The following PREX2 variants were observed in gnomAD, a reference collection of about 807,000 sequenced individuals.
The protein encoded by PREX2 is phosphatidylinositol 3,4,5-trisphosphate-dependent Rac exchanger 2 protein.
Under a neutral mutation model 203.2 loss-of-function variants are expected in PREX2, and 107 were observed. That is an observed-to-expected ratio of 0.53 (90% CI 0.45 to 0.62). The LOEUF (loss-of-function observed/expected upper bound fraction) is 0.62. Among genes scored for constraint, PREX2 ranks in the 20% least tolerant of loss-of-function variants. The pLI is 0.00. For synonymous variants in PREX2, 672 were observed against 663.6 expected (o/e 1.01, Z -0.19); for missense variants, 1,777 against 1,955.9 (o/e 0.91, Z 1.72).
At chr8:67,958,736 A>G (rs547887383) in intron 1 of PREX2, among the ~76,000 whole-genome samples, 20 of 152,316 alleles carry the variant, frequency 1.3e-4, no homozygotes, top group African/African-American at 4.8e-4. Context: ...AAGCTTTAAT[A>G]TTTTGTATAC....
At chr8:68,211,510 G>A (rs1401716938) in intron 37 of PREX2, among the ~76,000 whole-genome samples, 3 of 152,118 alleles carry the variant, frequency 2.0e-5, no homozygotes, top group Admixed American at 6.5e-5. Context: ...GACTTACCAT[G>A]GCCAGGTATC....
At chr8:68,151,775 C>G (rs894584865) in intron 34 of PREX2, among the ~76,000 whole-genome samples, 1 of 148,656 alleles carries the variant, frequency 6.7e-6, no homozygotes, top group Non-Finnish European at 1.5e-5. Flanking sequence ...TTTTTTTTAA[C>G]CTCCTATGAA....
chr8:68,090,483 T>C (rs1809836117), intron 19 of PREX2, 96 bp from the exon 20 acceptor site: 1 of 1,078,998 alleles, frequency 9.3e-7, no homozygotes, highest in Middle Eastern at 2.7e-4. Flanking sequence ...TAGACTTTGA[T>C]CATATTTTAA....
chr8:68,145,688 G>T (rs1055886467), intron 33 of PREX2, among the ~76,000 whole-genome samples: 29 of 152,138 alleles, frequency 1.9e-4, no homozygotes, highest in African/African-American at 6.7e-4. Context: ...TTTGAAAATA[G>T]CTACAAGACT....
chr8:68,038,331 A>G, intron 7 of PREX2, 39 bp downstream of exon 7: 2 of 1,604,098 alleles, frequency 1.2e-6, no homozygotes, highest in Non-Finnish European at 1.7e-6. Context: ...AAGTGGTCAC[A>G]GTTTCTACCT....
chr8:67,968,062 T>C (rs1168184462), intron 1 of PREX2, among the ~76,000 whole-genome samples: 3 of 109,628 alleles, frequency 2.7e-5, no homozygotes, highest in Non-Finnish European at 5.4e-5. Context: ...ACCCTAGAAC[T>C]TAAAGTATAA....
In PREX2 at chr8:68,105,149, A is replaced by G. The variant is rs200772934; in HGVS notation, c.2716-2960A>G. 9.3e-5 allele frequency: 127 copies of G among 1,367,684 alleles called. No homozygotes were observed. The Middle Eastern group carries it at 2.7e-3, about 29-fold the overall frequency. The allele number at this position is 1,367,684 out of a possible 1,614,324, so 84.7% of individuals were successfully genotyped here. A position where few individuals can be genotyped will look rare whatever the true frequency, so the allele number is the denominator to read the frequency against. On this transcript the variant is annotated intron_variant, in intron 23 of 39. Coordinates refer to ENST00000288368, the MANE Select transcript of PREX2 (RefSeq NM_024870.4). Reference sequence around the variant, plus strand: ...CTTCCATATTTTAGGTTCAAGCTTCAGAAAGGTTTTACAATTTCACAGCAC... The same window carrying G: ...CTTCCATATTTTAGGTTCAAGCTTCGGAAAGGTTTTACAATTTCACAGCAC...
chr8:68,116,024 TTTTTC>T (rs1225454057), intron 26 of PREX2, 92 bp downstream of exon 26: 1 of 1,155,154 alleles, frequency 8.7e-7, no homozygotes, highest in Non-Finnish European at 1.2e-6. Flanking sequence ...TTTTTGATTG[TTTTTC>T]TTTTAATTGG....
At chr8:68,186,525 G>GT (rs1412510849) in intron 35 of PREX2, among the ~76,000 whole-genome samples, 6 of 151,960 alleles carry the variant, frequency 3.9e-5, no homozygotes, top group Non-Finnish European at 7.4e-5. Flanking sequence ...GTTTTGTTTT[G>GT]TTTTTTTAGA....
intron 1 of PREX2, among the ~76,000 whole-genome samples, chr8:67,999,491 A>AAAAAAG (rs1563492709): frequency 6.6e-6 from 1 of 150,662 alleles, no homozygotes; most frequent in Non-Finnish European, 1.5e-5. Flanking sequence ...AAAAAAAAAA[A>AAAAAAG]AAAAGCCCAG....
intron 1 of PREX2, among the ~76,000 whole-genome samples, chr8:68,013,170 A>G (rs567265914): frequency 5.9e-5 from 9 of 152,228 alleles, no homozygotes; most frequent in Non-Finnish European, 1.2e-4. Flanking sequence ...TAGGCTCTGC[A>G]TTCATGAAGC....
At chr8:68,018,371 G>C (rs1242795152) in intron 2 of PREX2, among the ~76,000 whole-genome samples, 1 of 152,128 alleles carries the variant, frequency 6.6e-6, no homozygotes, top group East Asian at 1.9e-4. Context: ...CGAGGCTGAG[G>C]CAGGAGAATT....
intron 11 of PREX2, among the ~76,000 whole-genome samples, chr8:68,068,019 C>T (rs1448121416): frequency 6.6e-6 from 1 of 151,920 alleles, no homozygotes; most frequent in Non-Finnish European, 1.5e-5. Context: ...CATAATTTTT[C>T]ATTTGCATGT....
intron 1 of PREX2, among the ~76,000 whole-genome samples, chr8:67,973,259 C>A (rs1256863474): frequency 1.3e-5 from 2 of 152,142 alleles, no homozygotes; most frequent in Non-Finnish European, 2.9e-5. Flanking sequence ...CTTTTTATTT[C>A]ATTTTATCAT....
chr8:68,205,112 C>G (rs1380860590), intron 37 of PREX2, among the ~76,000 whole-genome samples: 1 of 152,140 alleles, frequency 6.6e-6, no homozygotes, highest in African/African-American at 2.4e-5. Context: ...AATGATCAAT[C>G]ATATTGAAAG....
rs145048274 is a variant in PREX2, at chr8:68,171,755, A to G, written c.4346+14319A>G. Among the ~76,000 whole-genome samples the G allele has an allele frequency of 3.1e-3, 470 of 152,284 alleles. 5 individuals are homozygous for G. The highest frequency in any genetic ancestry group is 0.01 in the African/African-American group (433 of 41,558). On this transcript the variant is annotated intron_variant, in intron 35 of 39. Coordinates refer to ENST00000288368, the MANE Select transcript of PREX2 (RefSeq NM_024870.4). ...GAAGATTTTGTGTTCTATTCATAAG[A>G]ATCTTGGAAACTACCTGAAACCACA...
intron 38 of PREX2, among the ~76,000 whole-genome samples, chr8:68,223,102 G>A (rs1812988123): frequency 6.6e-6 from 1 of 152,130 alleles, no homozygotes; most frequent in Admixed American, 6.6e-5. Flanking sequence ...GGGAGAAAAT[G>A]GAGAAATTTG....
chr8:68,106,301 T>C (rs1440884696), intron 23 of PREX2: 3 of 509,782 alleles, frequency 5.9e-6, no homozygotes, highest in Admixed American at 2.0e-5. Context: ...GAAAGTTTTT[T>C]GCATCTAGCC....
intron 21 of PREX2, among the ~76,000 whole-genome samples, chr8:68,096,094 G>C (rs1373113311): frequency 2.6e-5 from 4 of 152,104 alleles, no homozygotes; most frequent in Non-Finnish European, 5.9e-5. Flanking sequence ...GGAGCAATAA[G>C]GTTGTTATGG....
Sources: allele counts gnomAD v4.1 joint callset (sites outside exome capture counted in the v4.1 genomes callset), GRCh38; gene constraint gnomAD v4.1.1; transcripts MANE v1.5; gene names NCBI Gene and HGNC (gene_info 2026-07-23, HGNC 2026-07-21).